ACOT7: variants seen among roughly 807,000 people sequenced by gnomAD.
The protein encoded by ACOT7 is acyl-CoA thioesterase 7.
In ACOT7, 12 loss-of-function variants were observed where a neutral mutation model predicts 40.2. The observed-to-expected ratio is 0.30, with a 90% CI of 0.19 to 0.48. The LOEUF (loss-of-function observed/expected upper bound fraction) is 0.48, where lower values mean the gene tolerates loss of function less well. ACOT7 is among the 20% of genes least tolerant of loss of function. ACOT7 has a pLI of 0.99. For synonymous variants in ACOT7, 228 were observed against 219.5 expected (o/e 1.04, Z -0.34); for missense variants, 395 against 530.8 (o/e 0.74, Z 2.51).
At position 6,338,213 on chromosome 1, in the gene ACOT7, G is replaced by A. The variant is rs1006846295; in HGVS notation, c.418+1220C>T. On this transcript the variant is annotated intron_variant, in intron 3 of 8. Transcript: ENST00000361521. The surrounding 1 kb of genome is among the most constrained non-coding windows in gnomAD (Gnocchi z 4.4). ...AAGGTCCTAGGAAGCAGGAGAGCGC[G>A]GCAGGCCATCCCTCCTCTCCAGGAA... is the stretch of plus-strand genomic sequence containing the variant. Among the ~76,000 whole-genome samples the A allele has an allele frequency of 9.2e-5, 14 of 152,236 alleles. No individual in the cohort carries two copies. Among genetic ancestry groups the A allele is most frequent in the South Asian group, 6.2e-4 (3 of 4,830 alleles).
intron 1 of ACOT7, among the ~76,000 whole-genome samples, chr1:6,377,092 G>A (rs562491078): frequency 7.9e-5 from 12 of 152,344 alleles, no homozygotes; most frequent in Non-Finnish European, 1.3e-4. Flanking sequence ...TCAAATGCTG[G>A]TGAGGATGTG....
At chr1:6,332,142 A>C (rs923304930) in intron 4 of ACOT7, among the ~76,000 whole-genome samples, 1 of 152,216 alleles carries the variant, frequency 6.6e-6, no homozygotes, top group East Asian at 1.9e-4. Context: ...AATTCCTGAC[A>C]ATCTGGTTCT....
rs891223310 is a variant in ACOT7 at position 6,358,061 on chromosome 1, G to A, written c.144-8195C>T. 6.6e-6 allele frequency among the ~76,000 whole-genome samples: 1 copy of A among 151,978 alleles called. No homozygotes were observed. The highest frequency in any genetic ancestry group is 2.4e-5 in the African/African-American group (1 of 41,356). Reference sequence around the variant, plus strand: ...TTTGTATTTTTTAGTAGAGACGGGGGTTTCACCATGTTGGCCAGGCTGGTC... The same window carrying A: ...TTTGTATTTTTTAGTAGAGACGGGGATTTCACCATGTTGGCCAGGCTGGTC... On this transcript the variant is annotated intron_variant, in intron 1 of 8. Coordinates refer to ENST00000361521, the MANE Select transcript of ACOT7 (RefSeq NM_007274.4). The surrounding 1 kb of genome is among the most constrained non-coding windows in gnomAD (Gnocchi z 4.1).
chr1:6,393,152 C>CGGGGGCGGCCTCGGCGGGT, intron 1 of ACOT7, 105 bp downstream of exon 1: 1 of 1,149,976 alleles, frequency 8.7e-7, no homozygotes, highest in Non-Finnish European at 1.1e-6. Flanking sequence ...AATCGGCGGG[C>CGGGGGCGGCCTCGGCGGGT]GGGGGCGGCC....
At chr1:6,343,976 C>T (rs180698713) in intron 2 of ACOT7, among the ~76,000 whole-genome samples, 117 of 152,296 alleles carry the variant, frequency 7.7e-4, no homozygotes, top group Non-Finnish European at 1.3e-3. Flanking sequence ...AATGGGGCCA[C>T]GCCACGATGG....
intron 4 of ACOT7, among the ~76,000 whole-genome samples, chr1:6,331,411 G>A (rs1640951035): frequency 1.3e-5 from 2 of 152,218 alleles, no homozygotes; most frequent in South Asian, 2.1e-4. Context: ...GGGACGCCTG[G>A]AGCCACCCGG....
intron 5 of ACOT7, among the ~76,000 whole-genome samples, chr1:6,325,323 G>A (rs570067480): frequency 6.6e-5 from 10 of 151,840 alleles, no homozygotes; most frequent in South Asian, 4.2e-4. Context: ...GCGTGAACCC[G>A]GGAGGCAGAG....
At chr1:6,342,305 C>T (rs558210774) in intron 2 of ACOT7, among the ~76,000 whole-genome samples, 18 of 152,202 alleles carry the variant, frequency 1.2e-4, no homozygotes, top group African/African-American at 4.3e-4. Context: ...CCCATACCCT[C>T]GTCACCTCCC....
intron 1 of ACOT7, among the ~76,000 whole-genome samples, chr1:6,364,821 C>G (rs552057398): frequency 8.9e-4 from 122 of 136,614 alleles, no homozygotes; most frequent in African/African-American, 2.7e-3. Context: ...GCACTCCGGC[C>G]TGGGGACAGA....
In ACOT7 at chr1:6,311,967, C is replaced by T. The variant is rs1171854379; in HGVS notation, c.712+6525G>A. ...TGGTTTTAAGAGTTCCCCAAGTGACCTTAATAGGCAGCAGAGACGAGGTCA... is the reference window on the plus strand; with the variant it reads ...TGGTTTTAAGAGTTCCCCAAGTGACTTTAATAGGCAGCAGAGACGAGGTCA... On this transcript the variant is annotated intron_variant, in intron 6 of 8. Coordinates refer to ENST00000361521, the MANE Select transcript of ACOT7 (RefSeq NM_007274.4). This position sits in a 1 kb window ranked among gnomAD's most constrained non-coding sequence, Gnocchi z 5.2. 6.6e-6 allele frequency among the ~76,000 whole-genome samples: 1 copy of T among 152,128 alleles called. No individual in the cohort carries two copies. Among genetic ancestry groups the T allele is most frequent in the Non-Finnish European group, 1.5e-5 (1 of 68,028 alleles).
At chr1:6,383,767 C>G (rs1214750119) in intron 1 of ACOT7, among the ~76,000 whole-genome samples, 3 of 151,452 alleles carry the variant, frequency 2.0e-5, no homozygotes, top group Non-Finnish European at 4.4e-5. Context: ...TGCAGTGGCA[C>G]GATCTTGGCT....
At chr1:6,329,594 C>T (rs1269339968) in intron 4 of ACOT7, among the ~76,000 whole-genome samples, 3 of 151,944 alleles carry the variant, frequency 2.0e-5, no homozygotes, top group Admixed American at 6.6e-5. Flanking sequence ...GGGGCCCAGT[C>T]CTGGACACAA....
intron 5 of ACOT7, among the ~76,000 whole-genome samples, chr1:6,326,653 T>C (rs1400685516): frequency 6.6e-6 from 1 of 151,966 alleles, no homozygotes; most frequent in Non-Finnish European, 1.5e-5. Flanking sequence ...TGGCCAGGTG[T>C]GGTGGTTCAC....
In ACOT7 at chr1:6,306,279, AT is replaced by A. The variant is rs1257812987; in HGVS notation, c.713-11300del. On this transcript the variant is annotated intron_variant, in intron 6 of 8. Coordinates refer to ENST00000361521, the MANE Select transcript of ACOT7 (RefSeq NM_007274.4). This position sits in a 1 kb window ranked among gnomAD's most constrained non-coding sequence, Gnocchi z 4.3. ...TGGCAAGACCTCAACCAAATACTCC[AT>A]ATTTCTGGAAAGGGGTCAGTGCCCC... The A allele has an allele frequency of 4.1e-6, 4 of 984,886 alleles. No individual in the cohort carries two copies. In the African/African-American group the frequency reaches 7.0e-5, roughly 17 times the overall value. The allele number at this position is 984,886 out of a possible 1,614,324, so 61.0% of individuals were successfully genotyped here. A position where few individuals can be genotyped will look rare whatever the true frequency, so the allele number is the denominator to read the frequency against.
chr1:6,393,441 G>A lies in ACOT7; in HGVS notation c.-42C>T, dbSNP rs1238701659. ...GGTGGAGCGATGGGGCTGGTGAGGC[G>A]GGGCCTGCGCGCCGGGGGCAATCGA... On this transcript the variant is annotated 5_prime_UTR_variant, in exon 1 of 9. Transcript: ENST00000361521. 9.0e-7 allele frequency: 1 copy of A among 1,112,098 alleles called. No individual in the cohort carries two copies. The highest frequency in any genetic ancestry group is 1.1e-6 in the Non-Finnish European group (1 of 932,610). The allele number at this position is 1,112,098 out of a possible 1,614,324, so 68.9% of individuals were successfully genotyped here. A position where few individuals can be genotyped will look rare whatever the true frequency, so the allele number is the denominator to read the frequency against.
chr1:6,280,503 C>A (rs542183591), intron 8 of ACOT7, among the ~76,000 whole-genome samples: 2 of 152,206 alleles, frequency 1.3e-5, no homozygotes. Context: ...CCCCTGTGAA[C>A]GAGTGCGTGT....
intron 8 of ACOT7, among the ~76,000 whole-genome samples, chr1:6,269,823 G>C (rs1289434236): frequency 6.6e-6 from 1 of 152,262 alleles, no homozygotes; most frequent in African/African-American, 2.4e-5. Context: ...CTGAGACAGA[G>C]TCCAGACCAG....
chr1:6,292,889 CTTTTTTTT>C (rs973103642), intron 7 of ACOT7, among the ~76,000 whole-genome samples: 1 of 125,102 alleles, frequency 8.0e-6, no homozygotes, highest in Non-Finnish European at 1.7e-5. Context: ...ATTTCTTTTT[CTTTTTTTT>C]TTTTTTTTTT....
chr1:6,268,318 G>A (rs548284446), intron 8 of ACOT7, among the ~76,000 whole-genome samples: 15 of 152,278 alleles, frequency 9.9e-5, no homozygotes, highest in Admixed American at 6.5e-4. Flanking sequence ...GGCTGTCAAC[G>A]CATAAGACTG....
Sources: allele counts gnomAD v4.1 joint callset (sites outside exome capture counted in the v4.1 genomes callset), GRCh38; gene constraint gnomAD v4.1.1; non-coding constraint Gnocchi (gnomAD v3.1); transcripts MANE v1.5; gene names NCBI Gene and HGNC (gene_info 2026-07-23, HGNC 2026-07-21).